The following STARD3NL variants were observed in gnomAD, a reference collection of about 807,000 sequenced individuals.
STARD3NL encodes the protein STARD3 N-terminal-like protein.
STARD3NL carries 17 observed loss-of-function variants against 30.9 expected under a neutral mutation model. That is an observed-to-expected ratio of 0.55 (90% confidence interval 0.38 to 0.82). The LOEUF (loss-of-function observed/expected upper bound fraction) is 0.82, where lower values mean the gene tolerates loss of function less well. Ranked by LOEUF, STARD3NL falls within the 40% of genes least tolerant of loss-of-function variation. The pLI, the probability that STARD3NL is intolerant of heterozygous loss-of-function variation, is 0.00. For missense variants in STARD3NL, 234 were observed against 277.6 expected, an observed-to-expected ratio of 0.84 and a Z score of 1.12; for synonymous variants, 112 against 100.5, an observed-to-expected ratio of 1.11 and a Z score of -0.69.
intron 2 of STARD3NL, among the ~76,000 whole-genome samples, chr7:38,211,965 T>G (rs1785831006): frequency 6.6e-6 from 1 of 152,072 alleles, no homozygotes; most frequent in Non-Finnish European, 1.5e-5. Flanking sequence ...TTCCACTGTT[T>G]CCCTTCTTTT....
At chr7:38,197,133 CTTTTTTCTTTCTTTCTTTCTTTCT>C (rs1583788086) in intron 1 of STARD3NL, among the ~76,000 whole-genome samples, 1 of 92,606 alleles carries the variant, frequency 1.1e-5, no homozygotes, top group South Asian at 3.6e-4. Context: ...ATAGCATTAC[CTTTTTTCTTTCTTTCTTTCTTTCT>C]TTCTTTCTTT....
At chr7:38,210,193 C>T (rs1785718544) in intron 2 of STARD3NL, among the ~76,000 whole-genome samples, 1 of 152,132 alleles carries the variant, frequency 6.6e-6, no homozygotes, top group Non-Finnish European at 1.5e-5. Flanking sequence ...AGAGAACAGG[C>T]TTCTAATTCA....
chr7:38,222,141 TCACACACACACA>T (rs3223376), intron 7 of STARD3NL, among the ~76,000 whole-genome samples: 20,095 of 144,246 alleles, frequency 0.14, 1,402 homozygotes, highest in East Asian at 0.22. Context: ...GTTAATATTT[TCACACACACACA>T]CACACACACA....
At chr7:38,212,247 C>T (rs1785850031) in intron 2 of STARD3NL, among the ~76,000 whole-genome samples, 1 of 152,224 alleles carries the variant, frequency 6.6e-6, no homozygotes, top group Admixed American at 6.5e-5. Context: ...CCTCCCCACC[C>T]TCTGTTCCTG....
At chr7:38,214,528 C>A in intron 3 of STARD3NL, 94 bp downstream of exon 3, 1 of 729,374 alleles carries the variant, frequency 1.4e-6, no homozygotes, top group South Asian at 1.9e-5. Flanking sequence ...GCCCTTTTTT[C>A]CTCTTTTGAA....
At chr7:38,183,153 G>A (rs537874486) in intron 1 of STARD3NL, among the ~76,000 whole-genome samples, 2 of 152,302 alleles carry the variant, frequency 1.3e-5, no homozygotes, top group South Asian at 2.1e-4. Context: ...CACAGAGGAC[G>A]TTAGACTTTT....
chr7:38,195,071 A>G (rs116003138), intron 1 of STARD3NL, among the ~76,000 whole-genome samples: 1,883 of 152,098 alleles, frequency 0.012, 51 homozygotes, highest in African/African-American at 0.044. Context: ...TTTTATATAT[A>G]TATTTGGACT....
At chr7:38,180,541 T>A (rs762855501) in intron 1 of STARD3NL, among the ~76,000 whole-genome samples, 2 of 152,208 alleles carry the variant, frequency 1.3e-5, no homozygotes, top group Non-Finnish European at 2.9e-5. Flanking sequence ...ATATGCCAGG[T>A]ATGTTACATA....
At chr7:38,198,263 CAGGCTGGCAAAGTCAATTG>C (rs1278392806) in intron 1 of STARD3NL, 1 of 152,236 alleles carries the variant, frequency 6.6e-6, no homozygotes, top group Non-Finnish European at 1.5e-5. Flanking sequence ...TCAGAAAGAT[CAGGCTGGCAAAGTCAATTG>C]CCTCCAGGCT....
chr7:38,214,931 A>C (rs1786012975), intron 3 of STARD3NL, 97 bp from the exon 4 acceptor site: 1 of 1,097,748 alleles, frequency 9.1e-7, no homozygotes, highest in Non-Finnish European at 1.3e-6. Context: ...GTCTCCAGCT[A>C]AATCACAGTA....
chr7:38,210,774 T>C (rs1785753820), intron 2 of STARD3NL, among the ~76,000 whole-genome samples: 2 of 152,218 alleles, frequency 1.3e-5, no homozygotes, highest in Non-Finnish European at 2.9e-5. Context: ...TAGCTTTTGA[T>C]ACTTGATTGA....
At chr7:38,227,612 G>GT (rs1786845427) in intron 7 of STARD3NL, among the ~76,000 whole-genome samples, 1 of 152,066 alleles carries the variant, frequency 6.6e-6, no homozygotes, top group Admixed American at 6.5e-5. Context: ...CAGCTTTTAC[G>GT]TGTGAATTGA....
At chr7:38,185,562 A>G (rs1211604880) in intron 1 of STARD3NL, among the ~76,000 whole-genome samples, 1 of 152,184 alleles carries the variant, frequency 6.6e-6, no homozygotes, top group African/African-American at 2.4e-5. Context: ...TGCCACTTCC[A>G]CCAACCAAGA....
intron 7 of STARD3NL, among the ~76,000 whole-genome samples, chr7:38,220,095 C>T (rs1254914231): frequency 2.0e-5 from 3 of 152,160 alleles, no homozygotes; most frequent in African/African-American, 7.2e-5. Flanking sequence ...AAGCTGTTTC[C>T]ATCCTCTCTC....
At chr7:38,223,019 C>G (rs1446998568) in intron 7 of STARD3NL, among the ~76,000 whole-genome samples, 4 of 152,142 alleles carry the variant, frequency 2.6e-5, no homozygotes, top group African/African-American at 9.7e-5. Context: ...ACAGCACTGA[C>G]TTCCCTGGTA....
intron 1 of STARD3NL, among the ~76,000 whole-genome samples, chr7:38,192,537 G>A (rs55915216): frequency 0.22 from 33,312 of 152,066 alleles, 3,723 homozygotes; most frequent in Middle Eastern, 0.26. Context: ...AGGTTTGTGA[G>A]AACATAATGT....
intron 1 of STARD3NL, among the ~76,000 whole-genome samples, chr7:38,193,464 A>G (rs1163184904): frequency 1.3e-5 from 2 of 151,936 alleles, no homozygotes; most frequent in African/African-American, 4.8e-5. Context: ...ACGCCCGGCT[A>G]ATTTTTTGTA....
At chr7:38,222,079 G>T (rs1025544206) in intron 7 of STARD3NL, among the ~76,000 whole-genome samples, 6 of 151,616 alleles carry the variant, frequency 4.0e-5, no homozygotes, top group African/African-American at 1.5e-4. Context: ...TCTACTGCGG[G>T]TTGTAAACTT....
intron 7 of STARD3NL, among the ~76,000 whole-genome samples, chr7:38,223,056 G>C (rs1240626413): frequency 2.0e-5 from 3 of 152,070 alleles, no homozygotes; most frequent in Non-Finnish European, 4.4e-5. Context: ...AAAAAGGCCT[G>C]ACGTGCCTTT....
Sources: gnomAD v4.1 joint callset for allele counts (sites outside exome capture counted in the v4.1 genomes callset) on GRCh38, gnomAD v4.1.1 for gene constraint, MANE v1.5 for transcripts, NCBI Gene and HGNC (gene_info 2026-07-23, HGNC 2026-07-21) for gene names.